AGAP1: variants seen among roughly 807,000 people sequenced by gnomAD.
AGAP1 encodes arf-GAP with GTPase, ANK repeat and PH domain-containing protein 1.
Under a neutral mutation model 105.3 loss-of-function variants are expected in AGAP1, and 29 were observed. The observed-to-expected ratio is 0.28, with a 90% CI of 0.21 to 0.38. The LOEUF is 0.38. AGAP1 is among the 10% of genes least tolerant of loss of function. The pLI is 1.00. For synonymous variants in AGAP1, 509 were observed against 485.9 expected (o/e 1.05, Z -0.63); for missense variants, 998 against 1,165.1 (o/e 0.86, Z 2.09).
chr2:235,524,799 TG>T (rs1258156418), intron 1 of AGAP1, among the ~76,000 whole-genome samples: 1 of 152,064 alleles, frequency 6.6e-6, no homozygotes, highest in Non-Finnish European at 1.5e-5. Flanking sequence ...ACATAATTAG[TG>T]GGGGTAGGGG....
At chr2:236,094,021 T>A (rs889464210) in intron 16 of AGAP1, among the ~76,000 whole-genome samples, 1 of 152,188 alleles carries the variant, frequency 6.6e-6, no homozygotes, top group Non-Finnish European at 1.5e-5. Flanking sequence ...GTCATATGGC[T>A]GTAACAGGTA....
rs2054068030 is a variant in AGAP1, at chr2:235,959,040, C to A, written c.1484-9422C>A. 6.6e-6 allele frequency among the ~76,000 whole-genome samples: 1 copy of A among 152,212 alleles called. No individual in the cohort carries two copies. On this transcript the variant is annotated intron_variant, in intron 12 of 17. Coordinates refer to ENST00000304032, the MANE Select transcript of AGAP1 (RefSeq NM_001037131.3). This position sits in a 1 kb window ranked among gnomAD's most constrained non-coding sequence, Gnocchi z 7.3. ...GGTGCCGGCCCATCCCGGCTCAGCG[C>A]CGCGCAGCTCGGGACCCCAGTCCCT...
chr2:235,683,477 ATAT>A (rs1949202353), intron 1 of AGAP1, among the ~76,000 whole-genome samples: 2 of 150,354 alleles, frequency 1.3e-5, no homozygotes, highest in Non-Finnish European at 3.0e-5. Flanking sequence ...TACTTAATAC[ATAT>A]TATATTTAAT....
chr2:236,016,259 T>C (rs1404932823), intron 13 of AGAP1, among the ~76,000 whole-genome samples: 1 of 152,176 alleles, frequency 6.6e-6, no homozygotes, highest in Non-Finnish European at 1.5e-5. Flanking sequence ...GGTCATTCAT[T>C]ATCATTTTTG....
At chr2:236,103,189 G>T (rs562762508) in intron 16 of AGAP1, among the ~76,000 whole-genome samples, 1 of 152,136 alleles carries the variant, frequency 6.6e-6, no homozygotes, top group South Asian at 2.1e-4. Flanking sequence ...CCTCTGTCCC[G>T]TTCCATCCTC....
rs942798698 is a variant in AGAP1 at position 235,919,559 on chromosome 2, G to A, written c.1324+10653G>A. 6.6e-6 allele frequency among the ~76,000 whole-genome samples: 1 copy of A among 152,128 alleles called. No individual in the cohort carries two copies. Among genetic ancestry groups the A allele is most frequent in the African/African-American group, 2.4e-5 (1 of 41,414 alleles). ...GTTGTGAGATCATTTTGTAAGAACT[G>A]GAAAGCAGAGAAAGAAGTAGTAGTG... On this transcript the variant is annotated intron_variant, in intron 11 of 17. Transcript: ENST00000304032. This position sits in a 1 kb window ranked among gnomAD's most constrained non-coding sequence, Gnocchi z 4.1.
chr2:235,501,327 T>C (rs529043898), intron 1 of AGAP1, among the ~76,000 whole-genome samples: 24 of 152,314 alleles, frequency 1.6e-4, no homozygotes, highest in Middle Eastern at 3.4e-3. Context: ...TTTCGGAGAT[T>C]GTTGCTTTTT....
At position 235,621,609 on chromosome 2, in the gene AGAP1, G is replaced by A. The variant is rs960311792; in HGVS notation, c.164-87570G>A. ...GCCCCTGCCCATCATGCATTTAGGGGCTCCTCTGACTCCAGATGTCAGTGA... is the reference window on the plus strand; with the variant it reads ...GCCCCTGCCCATCATGCATTTAGGGACTCCTCTGACTCCAGATGTCAGTGA... On this transcript the variant is annotated intron_variant, in intron 1 of 17. Coordinates refer to ENST00000304032, the MANE Select transcript of AGAP1 (RefSeq NM_001037131.3). This position sits in a 1 kb window ranked among gnomAD's most constrained non-coding sequence, Gnocchi z 4.1. 1.3e-5 allele frequency among the ~76,000 whole-genome samples: 2 copies of A among 152,176 alleles called. No homozygotes were observed. The highest frequency in any genetic ancestry group is 1.3e-4 in the Admixed American group (2 of 15,276).
chr2:235,644,824 C>G (rs530556093), intron 1 of AGAP1, among the ~76,000 whole-genome samples: 7 of 151,994 alleles, frequency 4.6e-5, no homozygotes, highest in African/African-American at 9.7e-5. Flanking sequence ...GTGTCAGCTT[C>G]GCTGTCTTTC....
chr2:235,548,043 G>A lies in AGAP1; in HGVS notation c.163+53194G>A, dbSNP rs142940750. The stretch of plus-strand genomic sequence containing the variant: ...TTTGTTAGCCAAGCTGCGGACAGAG[G>A]GTTGGCCTCAGGCTGCTGTTTCTGC... On this transcript the variant is annotated intron_variant, in intron 1 of 17. Coordinates refer to ENST00000304032, the MANE Select transcript of AGAP1 (RefSeq NM_001037131.3). Among the ~76,000 whole-genome samples, 10 of 152,350 alleles carry A rather than the reference G, an allele frequency of 6.6e-5. No homozygotes were observed. The East Asian group carries it at 1.9e-3, about 29-fold the overall frequency.
chr2:235,636,863 A>G (rs1380347749), intron 1 of AGAP1, among the ~76,000 whole-genome samples: 3 of 152,128 alleles, frequency 2.0e-5, no homozygotes, highest in Admixed American at 2.0e-4. Context: ...GGAAATTTGG[A>G]CGCAGATGCA....
At chr2:236,106,277 A>G (rs2059488245) in intron 16 of AGAP1, among the ~76,000 whole-genome samples, 1 of 152,264 alleles carries the variant, frequency 6.6e-6, no homozygotes, top group Admixed American at 6.5e-5. Flanking sequence ...TCTGCAGAGC[A>G]GCAGTGACCA....
Position 235,555,907 on chromosome 2 carries a change from T to C in AGAP1, c.163+61058T>C, listed in dbSNP as rs1441350606. 6.6e-6 allele frequency among the ~76,000 whole-genome samples: 1 copy of C among 152,120 alleles called. No individual in the cohort carries two copies. The highest frequency in any genetic ancestry group is 1.5e-5 in the Non-Finnish European group (1 of 68,028). On this transcript the variant is annotated intron_variant, in intron 1 of 17. Transcript: ENST00000304032. This position sits in a 1 kb window ranked among gnomAD's most constrained non-coding sequence, Gnocchi z 5.1. ...GTTGGTTGGTTGATTGGCTGAGGAA[T>C]ATTTGGGGCACCTGCTCTGGGCCAT...
In AGAP1 at chr2:235,789,250, C is replaced by G. The variant is rs1293692480; in HGVS notation, c.674-8509C>G. Among the ~76,000 whole-genome samples, 3 of 152,118 alleles carry G rather than the reference C, an allele frequency of 2.0e-5. No individual in the cohort carries two copies. Among genetic ancestry groups the G allele is most frequent in the Non-Finnish European group, 4.4e-5 (3 of 68,024 alleles). ...TTTTCTCTGAAAGGAAAAGGGAAAT[C>G]CCGCTGCCCTAGACATGGTAGAAAT... On this transcript the variant is annotated intron_variant, in intron 6 of 17. Coordinates refer to ENST00000304032, the MANE Select transcript of AGAP1 (RefSeq NM_001037131.3). The surrounding 1 kb of genome is among the most constrained non-coding windows in gnomAD (Gnocchi z 4.2).
chr2:236,037,073 A>C (rs1018762969), intron 14 of AGAP1, among the ~76,000 whole-genome samples: 23 of 152,170 alleles, frequency 1.5e-4, no homozygotes, highest in Non-Finnish European at 7.4e-5. Context: ...TAAAAGATGC[A>C]CTGTTCAAGT....
intron 1 of AGAP1, among the ~76,000 whole-genome samples, chr2:235,671,369 A>G (rs1211741344): frequency 6.6e-6 from 1 of 151,922 alleles, no homozygotes; most frequent in Admixed American, 6.5e-5. Flanking sequence ...CTTCTGCGGG[A>G]GCGGGCCCTG....
chr2:235,758,688 C>T (rs571469727), intron 6 of AGAP1, among the ~76,000 whole-genome samples: 1 of 152,266 alleles, frequency 6.6e-6, no homozygotes, highest in Admixed American at 6.5e-5. Context: ...AGAAAGTGAC[C>T]TCTGTAAGGC....
rs539026192 is a variant in AGAP1, at chr2:235,629,511, C to A, written c.164-79668C>A. On this transcript the variant is annotated intron_variant, in intron 1 of 17. Transcript: ENST00000304032. ...GACATGAAAATCAGCAGGTGAGTAT[C>A]GAGTGTCCAGCACAGGGGCCAGGTG... 2.0e-5 allele frequency among the ~76,000 whole-genome samples: 3 copies of A among 151,938 alleles called. No homozygotes were observed. In the East Asian group the frequency reaches 5.8e-4, roughly 29 times the overall value.
chr2:235,706,570 C>T (rs1245306405), intron 1 of AGAP1, among the ~76,000 whole-genome samples: 2 of 152,148 alleles, frequency 1.3e-5, no homozygotes, highest in Non-Finnish European at 2.9e-5. Context: ...TTTAGAAATG[C>T]ATTTGTGAGG....
Sources: allele counts gnomAD v4.1 joint callset (sites outside exome capture counted in the v4.1 genomes callset), GRCh38; gene constraint gnomAD v4.1.1; non-coding constraint Gnocchi (gnomAD v3.1); transcripts MANE v1.5; gene names NCBI Gene and HGNC (gene_info 2026-07-23, HGNC 2026-07-21).